Variants in KCTD16 observed in about 807,000 individuals in gnomAD.
The protein encoded by KCTD16 is potassium channel tetramerization domain containing 16.
A neutral mutation model predicts 33.2 loss-of-function variants in KCTD16; 13 were observed. The observed-to-expected ratio is 0.39, with a 90% CI of 0.25 to 0.62. The LOEUF (loss-of-function observed/expected upper bound fraction) is 0.62, where lower values mean the gene tolerates loss of function less well. Ranked by LOEUF, KCTD16 falls within the 20% of genes least tolerant of loss-of-function variation. The pLI is 0.50. For missense variants in KCTD16, 441 were observed against 525.1 expected (o/e 0.84, Z 1.57); for synonymous variants, 197 against 195.3 (o/e 1.01, Z -0.07).
chr5:144,390,589 G>C (rs1171150050), intron 3 of KCTD16, among the ~76,000 whole-genome samples: 1 of 151,610 alleles, frequency 6.6e-6, no homozygotes, highest in East Asian at 1.9e-4. Flanking sequence ...CAGGTTTGTT[G>C]CGTAGGTATA....
chr5:144,362,166 G>A (rs144958749), intron 3 of KCTD16, among the ~76,000 whole-genome samples: 1 of 152,110 alleles, frequency 6.6e-6, no homozygotes, highest in African/African-American at 2.4e-5. Context: ...TCTCTGCATG[G>A]CACTGTAGGT....
chr5:144,295,217 G>T (rs538833480), intron 3 of KCTD16, among the ~76,000 whole-genome samples: 2 of 152,304 alleles, frequency 1.3e-5, no homozygotes, highest in South Asian at 4.1e-4. Context: ...AGTAGTACAC[G>T]TAAGTGTCCT....
rs1754688119 is a variant in KCTD16 at position 144,480,678 on chromosome 5, T to C, written c.*6564T>C. 1 of 151,926 alleles carries C rather than the reference T, an allele frequency of 6.6e-6. No individual in the cohort carries two copies. Among genetic ancestry groups the C allele is most frequent in the Non-Finnish European group, 1.5e-5 (1 of 67,934 alleles). The allele number at this position is 151,926 out of a possible 1,614,324, so 9.4% of individuals were successfully genotyped here. On this transcript the variant is annotated 3_prime_UTR_variant, in exon 4 of 4. Coordinates refer to ENST00000512467, the MANE Select transcript of KCTD16 (RefSeq NM_020768.4). ...TTTTGGCAATGCCTGGAGATATTTT[T>C]TGTTTCATGATTTGAGGGGTGCTAC...
In KCTD16 at chr5:144,464,144, A is replaced by G. The variant is rs534371824; in HGVS notation, c.833-9516A>G. Among the ~76,000 whole-genome samples the G allele has an allele frequency of 2.0e-5, 3 of 152,316 alleles. No homozygotes were observed. In the East Asian group the frequency reaches 5.8e-4, roughly 29 times the overall value. The stretch of plus-strand genomic sequence containing the variant: ...GGGCTTCTTTTGGAAGTTATTGTGA[A>G]TATAATGGCTGGGTCTTTGGCCAAT... On this transcript the variant is annotated intron_variant, in intron 3 of 3. Transcript: ENST00000512467.
rs369876668 is a variant in KCTD16 at position 144,243,548 on chromosome 5, A to G, written c.832+36002A>G. ...TCTTTTCTCTTCTTCTGTGTGGCTT[A>G]TTTCTACTAAATCCCAGACATTTAT... On this transcript the variant is annotated intron_variant, in intron 3 of 3. Coordinates refer to ENST00000512467, the MANE Select transcript of KCTD16 (RefSeq NM_020768.4). Among the ~76,000 whole-genome samples, 160 of 152,030 alleles carry G rather than the reference A, an allele frequency of 1.1e-3. 1 individual carries two copies. Among genetic ancestry groups the G allele is most frequent in the African/African-American group, 3.6e-3 (148 of 41,438 alleles).
chr5:144,391,964 T>C (rs1752458966), intron 3 of KCTD16, among the ~76,000 whole-genome samples: 1 of 152,198 alleles, frequency 6.6e-6, no homozygotes, highest in South Asian at 2.1e-4. Context: ...AATCTATAGA[T>C]GGTGGGGAAA....
intron 3 of KCTD16, among the ~76,000 whole-genome samples, chr5:144,314,909 A>G (rs1479680103): frequency 1.3e-5 from 2 of 152,126 alleles, no homozygotes; most frequent in African/African-American, 2.4e-5. Flanking sequence ...GTCTCACTTT[A>G]CTGGTCAGAC....
chr5:144,451,277 G>C (rs534199483), intron 3 of KCTD16, among the ~76,000 whole-genome samples: 1 of 152,094 alleles, frequency 6.6e-6, no homozygotes, highest in Admixed American at 6.6e-5. Context: ...AAGTGGAGTA[G>C]TCAATTTCTC....
intron 3 of KCTD16, among the ~76,000 whole-genome samples, chr5:144,349,329 C>T (rs981854540): frequency 1.3e-5 from 2 of 152,130 alleles, no homozygotes; most frequent in Admixed American, 6.5e-5. Flanking sequence ...TGGGCAAGCT[C>T]ACCTTTCTGT....
chr5:144,241,808 A>G (rs1754411656), intron 3 of KCTD16, among the ~76,000 whole-genome samples: 1 of 152,212 alleles, frequency 6.6e-6, no homozygotes. Context: ...TTGAAATATT[A>G]CATTCAATCT....
chr5:144,355,772 A>G (rs1751556707), intron 3 of KCTD16, among the ~76,000 whole-genome samples: 1 of 151,964 alleles, frequency 6.6e-6, no homozygotes, highest in South Asian at 2.1e-4. Context: ...ATTCTCAGGG[A>G]TGTGTTAGGA....
In KCTD16 at chr5:144,467,025, C is replaced by T. The variant is rs1226620626; in HGVS notation, c.833-6635C>T. Among the ~76,000 whole-genome samples the T allele has an allele frequency of 4.4e-5, 5 of 114,762 alleles. No homozygotes were observed. The South Asian group carries it at 1.0e-3, about 23-fold the overall frequency. 75.3% of individuals were successfully genotyped at this position (114,762 alleles called of 152,430 possible). ...TATATATTATATATAATATATATAACACTATATATTATATATAATATATAT... is the reference window on the plus strand; with the variant it reads ...TATATATTATATATAATATATATAATACTATATATTATATATAATATATAT... On this transcript the variant is annotated intron_variant, in intron 3 of 3. Coordinates refer to ENST00000512467, the MANE Select transcript of KCTD16 (RefSeq NM_020768.4).
In KCTD16 at chr5:144,282,313, C is replaced by G. The variant is rs558129272; in HGVS notation, c.832+74767C>G. Among the ~76,000 whole-genome samples the G allele has an allele frequency of 5.9e-5, 9 of 152,190 alleles. No homozygotes were observed. The South Asian group carries it at 1.7e-3, about 28-fold the overall frequency. The stretch of plus-strand genomic sequence containing the variant: ...TGGGAGATTCTTGGAGGGTGGCTCC[C>G]CAGAGAGGGCATAAAACTTCATGCC... On this transcript the variant is annotated intron_variant, in intron 3 of 3. Transcript: ENST00000512467.
At chr5:144,173,838 C>A (rs545636629) in intron 1 of KCTD16, among the ~76,000 whole-genome samples, 2 of 151,700 alleles carry the variant, frequency 1.3e-5, no homozygotes, top group East Asian at 3.9e-4. Context: ...CTGCTGATGC[C>A]CCTTAGAAAT....
At chr5:144,247,147 G>A (rs1363081342) in intron 3 of KCTD16, among the ~76,000 whole-genome samples, 1 of 152,182 alleles carries the variant, frequency 6.6e-6, no homozygotes, top group African/African-American at 2.4e-5. Context: ...TACATGACCA[G>A]CTACCCTAAT....
intron 3 of KCTD16, among the ~76,000 whole-genome samples, chr5:144,316,829 T>C (rs1326971625): frequency 2.8e-5 from 4 of 142,098 alleles, no homozygotes; most frequent in African/African-American, 7.9e-5. Context: ...AGCATCCCTT[T>C]TTTTTTTTTT....
chr5:144,450,331 C>A (rs532050983), intron 3 of KCTD16, among the ~76,000 whole-genome samples: 1 of 152,036 alleles, frequency 6.6e-6, no homozygotes, highest in African/African-American at 2.4e-5. Context: ...AAATTGGAAC[C>A]CTTTTACACT....
At chr5:144,423,402 A>G (rs970426838) in intron 3 of KCTD16, among the ~76,000 whole-genome samples, 1 of 152,178 alleles carries the variant, frequency 6.6e-6, no homozygotes, top group African/African-American at 2.4e-5. Flanking sequence ...AGAATATTAC[A>G]GGCACAGAGG....
chr5:144,404,264 A>C (rs1752765642), intron 3 of KCTD16, among the ~76,000 whole-genome samples: 1 of 152,160 alleles, frequency 6.6e-6, no homozygotes, highest in Admixed American at 6.5e-5. Flanking sequence ...CTATGAACTG[A>C]CTTGGAATCA....
Sources: gnomAD v4.1 joint callset for allele counts (sites outside exome capture counted in the v4.1 genomes callset) on GRCh38, gnomAD v4.1.1 for gene constraint, MANE v1.5 for transcripts, NCBI Gene and HGNC (gene_info 2026-07-23, HGNC 2026-07-21) for gene names.